MCTP1: variants seen among roughly 807,000 people sequenced by gnomAD.
MCTP1 encodes multiple C2 and transmembrane domain containing 1.
MCTP1 carries 69 observed loss-of-function variants against 120.6 expected under a neutral mutation model. The ratio of observed to expected loss-of-function variants is 0.57; its 90% CI spans 0.47 to 0.70. The LOEUF (loss-of-function observed/expected upper bound fraction) is 0.70. Ranked by LOEUF, MCTP1 falls within the 30% of genes least tolerant of loss-of-function variation. MCTP1 has a pLI of 0.00. For missense variants in MCTP1, 1,203 were observed against 1,248.8 expected (o/e 0.96, Z 0.55); for synonymous variants, 529 against 493.1 (o/e 1.07, Z -0.96).
intron 1 of MCTP1, among the ~76,000 whole-genome samples, chr5:95,238,895 C>T (rs868722436): frequency 6.6e-6 from 1 of 152,130 alleles, no homozygotes; most frequent in East Asian, 1.9e-4. Context: ...AAGCCTTGCT[C>T]GGTATAATCT....
chr5:94,881,812 T>C (rs1012959814), intron 12 of MCTP1, among the ~76,000 whole-genome samples: 7 of 152,182 alleles, frequency 4.6e-5, no homozygotes, highest in South Asian at 2.1e-4. Context: ...TTGTTATTAT[T>C]GTCATTCCAG....
chr5:94,893,529 CT>C lies in MCTP1; in HGVS notation c.1839+1119del, dbSNP rs958442975. On this transcript the variant is annotated intron_variant, in intron 11 of 22. Coordinates refer to ENST00000515393, the MANE Select transcript of MCTP1 (RefSeq NM_024717.7). ...GCCTTGCTAAGTCACCTCTATTAAACTGTTTATGATAACACCATTGGTGGAT... is the reference window on the plus strand; with the variant it reads ...GCCTTGCTAAGTCACCTCTATTAAACGTTTATGATAACACCATTGGTGGAT... Among the ~76,000 whole-genome samples, 41 of 152,268 alleles carry C rather than the reference CT, an allele frequency of 2.7e-4. No homozygotes were observed. The South Asian group carries it at 2.9e-3, about 11-fold the overall frequency.
intron 17 of MCTP1, among the ~76,000 whole-genome samples, chr5:94,818,938 T>C (rs1358170220): frequency 6.6e-6 from 1 of 152,212 alleles, no homozygotes; most frequent in African/African-American, 2.4e-5. Context: ...TGTTAGGTCT[T>C]AGAATTTAGA....
At chr5:95,259,754 T>A (rs1304057829) in intron 1 of MCTP1, among the ~76,000 whole-genome samples, 1 of 152,176 alleles carries the variant, frequency 6.6e-6, no homozygotes, top group Non-Finnish European at 1.5e-5. Context: ...CTGGACTCCC[T>A]GGTGGTGGTA....
At chr5:94,715,210 G>T (rs1363800184) in intron 19 of MCTP1, among the ~76,000 whole-genome samples, 1 of 151,816 alleles carries the variant, frequency 6.6e-6, no homozygotes, top group Non-Finnish European at 1.5e-5. Flanking sequence ...ACCAAACCCG[G>T]ATTCTACAGT....
intron 2 of MCTP1, among the ~76,000 whole-genome samples, chr5:94,979,931 C>T (rs563443010): frequency 6.6e-6 from 1 of 152,116 alleles, no homozygotes; most frequent in Non-Finnish European, 1.5e-5. Flanking sequence ...TTGTTTGGTG[C>T]TAATAATAAG....
At chr5:95,212,044 C>T (rs1752444378) in intron 1 of MCTP1, among the ~76,000 whole-genome samples, 2 of 152,034 alleles carry the variant, frequency 1.3e-5, no homozygotes, top group African/African-American at 2.4e-5. Context: ...GATAGAGACA[C>T]AAAAAACCCT....
intron 1 of MCTP1, among the ~76,000 whole-genome samples, chr5:95,178,223 C>T (rs903152002): frequency 1.3e-5 from 2 of 152,244 alleles, no homozygotes; most frequent in Non-Finnish European, 1.5e-5. Flanking sequence ...TGAGATCAGA[C>T]AGGCCTATCC....
intron 1 of MCTP1, among the ~76,000 whole-genome samples, chr5:95,202,876 T>C (rs758035457): frequency 2.0e-5 from 3 of 151,910 alleles, no homozygotes; most frequent in African/African-American, 4.8e-5. Flanking sequence ...TACAGGTGAG[T>C]GCCGCCAGAC....
At chr5:95,002,417 G>A (rs1230487762) in intron 2 of MCTP1, among the ~76,000 whole-genome samples, 9 of 152,218 alleles carry the variant, frequency 5.9e-5, no homozygotes, top group Admixed American at 5.2e-4. Flanking sequence ...ATGCCAGCCT[G>A]TGAAAGCAAC....
chr5:95,233,058 A>T (rs1202536834), intron 1 of MCTP1, among the ~76,000 whole-genome samples: 1 of 152,232 alleles, frequency 6.6e-6, no homozygotes, highest in East Asian at 1.9e-4. Context: ...TAGAATAAAT[A>T]GACAGAAATC....
At chr5:94,871,072 C>T (rs1797770600) in intron 14 of MCTP1, 99 bp from the exon 15 acceptor site, 1 of 954,832 alleles carries the variant, frequency 1.0e-6, no homozygotes, top group Admixed American at 1.9e-5. Flanking sequence ...TGACAGAGAA[C>T]CCAAAACAAC....
At chr5:95,133,768 C>G (rs1207724742) in intron 1 of MCTP1, among the ~76,000 whole-genome samples, 1 of 152,134 alleles carries the variant, frequency 6.6e-6, no homozygotes, top group Non-Finnish European at 1.5e-5. Context: ...TCTGGTTAAC[C>G]ATGGGTGACT....
chr5:94,765,534 T>TG (rs1387293692), intron 19 of MCTP1, among the ~76,000 whole-genome samples: 4 of 151,850 alleles, frequency 2.6e-5, no homozygotes, highest in Non-Finnish European at 5.9e-5. Flanking sequence ...ACCATGTCTC[T>TG]GCTAAAAAAT....
chr5:94,836,055 C>T (rs1789674392), intron 17 of MCTP1, among the ~76,000 whole-genome samples: 1 of 151,512 alleles, frequency 6.6e-6, no homozygotes, highest in Non-Finnish European at 1.5e-5. Context: ...TGGCACGCAC[C>T]TATAGTCCCA....
chr5:94,961,682 T>C (rs1156569489), intron 2 of MCTP1, among the ~76,000 whole-genome samples: 4 of 152,192 alleles, frequency 2.6e-5, no homozygotes, highest in African/African-American at 9.7e-5. Context: ...GGTAACTTAG[T>C]GATGGTCCTT....
At chr5:95,238,415 T>C (rs964630579) in intron 1 of MCTP1, among the ~76,000 whole-genome samples, 2 of 152,158 alleles carry the variant, frequency 1.3e-5, no homozygotes, top group African/African-American at 4.8e-5. Flanking sequence ...TCTCTCTGCT[T>C]TATGTTGATT....
Position 94,953,210 on chromosome 5 carries a change from A to G in MCTP1, c.981+9T>C, listed in dbSNP as rs200538982. The G allele has an allele frequency of 1.1e-4, 168 of 1,582,766 alleles. No homozygotes were observed. Among genetic ancestry groups the G allele is most frequent in the Non-Finnish European group, 1.4e-4 (163 of 1,167,930 alleles). ...GTTTCTATCAGGAAAAAACAAATAA[A>G]TGGCTCACCTTTATATACAATGGCT... is the stretch of plus-strand genomic sequence containing the variant. On this transcript the variant is annotated intron_variant, in intron 3 of 22. Coordinates refer to ENST00000515393, the MANE Select transcript of MCTP1 (RefSeq NM_024717.7).
At chr5:94,983,435 A>T (rs553883147) in intron 2 of MCTP1, among the ~76,000 whole-genome samples, 1 of 152,316 alleles carries the variant, frequency 6.6e-6, no homozygotes, top group Admixed American at 6.5e-5. Context: ...ATTAGGTGTA[A>T]CTAAGTTTTC....
Sources: allele counts gnomAD v4.1 joint callset (sites outside exome capture counted in the v4.1 genomes callset), GRCh38; gene constraint gnomAD v4.1.1; transcripts MANE v1.5; gene names NCBI Gene and HGNC (gene_info 2026-07-23, HGNC 2026-07-21).